LRRC9: variants seen among roughly 807,000 people sequenced by gnomAD.
LRRC9 encodes the protein leucine rich repeat containing 9, also known as leucine-rich repeat-containing protein 9.
In LRRC9, 122 loss-of-function variants were observed where a neutral mutation model predicts 63.2. That is an observed-to-expected ratio of 1.93 (90% CI 1.67 to 2.24). The LOEUF is 2.24. LRRC9 is among the 30% of genes most tolerant of loss of function. The pLI is 0.00. For synonymous variants in LRRC9, 366 were observed against 213.1 expected, an observed-to-expected ratio of 1.72 and a Z score of -6.25; for missense variants, 1,071 against 627.7, an observed-to-expected ratio of 1.71 and a Z score of -7.55.
chr14:59,937,660 G>C (rs1381544189), intron 6 of LRRC9, among the ~76,000 whole-genome samples: 1 of 152,062 alleles, frequency 6.6e-6, no homozygotes, highest in Non-Finnish European at 1.5e-5. Context: ...GGTTTAAACA[G>C]GAAGAGGCAA....
intron 30 of LRRC9, chr14:60,054,148 C>T (rs1429411105): frequency 8.5e-6 from 2 of 235,836 alleles, no homozygotes; most frequent in East Asian, 2.4e-4. Context: ...CTGAACTCAC[C>T]AGATTAATTC....
chr14:60,037,586 A>T (rs1014673347), intron 29 of LRRC9, among the ~76,000 whole-genome samples: 4 of 152,120 alleles, frequency 2.6e-5, no homozygotes, highest in African/African-American at 7.2e-5. Flanking sequence ...GTCTGTTCAT[A>T]TCCTTTGCCC....
At chr14:59,977,568 T>TGTG in intron 14 of LRRC9, among the ~76,000 whole-genome samples, 1 of 144,514 alleles carries the variant, frequency 6.9e-6, no homozygotes, top group African/African-American at 2.6e-5. Flanking sequence ...AATTATGTAT[T>TGTG]TGTGTGTGTG....
rs964274232 is a variant in LRRC9 at position 60,004,423 on chromosome 14, A to C, written c.2842+625A>C. Among the ~76,000 whole-genome samples, 1 of 152,122 alleles carries C rather than the reference A, an allele frequency of 6.6e-6. No homozygotes were observed. The highest frequency in any genetic ancestry group is 1.5e-5 in the Non-Finnish European group (1 of 67,980). ...ATACTATATGTAACATTTTCCATGG[A>C]TCCACATACAAGTCCAATTAAGCAG... On this transcript the variant is annotated intron_variant, in intron 21 of 31. Transcript: ENST00000445360. This position sits in a 1 kb window ranked among gnomAD's most constrained non-coding sequence, Gnocchi z 4.8.
In LRRC9 at chr14:60,027,857, G is replaced by C. The variant is rs1891680141; in HGVS notation, c.3704-27G>C. ...TACTTCAGGAAGTTTGGGCTCACTT[G>C]ATATATCATGACTTATCTCTTTTTA... On this transcript the variant is annotated intron_variant, in intron 27 of 31. Transcript: ENST00000445360. The surrounding 1 kb of genome is among the most constrained non-coding windows in gnomAD (Gnocchi z 4.0). 1.5e-6 allele frequency: 1 copy of C among 659,778 alleles called. No homozygotes were observed. The highest frequency in any genetic ancestry group is 2.7e-6 in the Non-Finnish European group (1 of 364,608). The allele number at this position is 659,778 out of a possible 1,614,324, so 40.9% of individuals were successfully genotyped here.
chr14:60,035,439 A>T (rs1892351909), intron 29 of LRRC9, among the ~76,000 whole-genome samples: 1 of 152,056 alleles, frequency 6.6e-6, no homozygotes, highest in African/African-American at 2.4e-5. Context: ...GTCTTGGAGG[A>T]TTTCACCAAT....
Position 60,058,375 on chromosome 14 carries a change from A to G in LRRC9, c.4276+353A>G, listed in dbSNP as rs1894432818. On this transcript the variant is annotated intron_variant, in intron 31 of 31. Coordinates refer to ENST00000445360, the Ensembl canonical transcript of LRRC9. This position sits in a 1 kb window ranked among gnomAD's most constrained non-coding sequence, Gnocchi z 4.4. ...AAACAACTACTAAAACCAGTTCATT[A>G]GTGCATCCTGCTAAAAGTGGAAATC... 6.6e-6 allele frequency among the ~76,000 whole-genome samples: 1 copy of G among 152,184 alleles called. No individual in the cohort carries two copies. The highest frequency in any genetic ancestry group is 2.4e-5 in the African/African-American group (1 of 41,456).
At position 60,051,418 on chromosome 14, in the gene LRRC9, G is replaced by A. The variant is rs947947313; in HGVS notation, c.3991-1647G>A. Among the ~76,000 whole-genome samples the A allele has an allele frequency of 6.6e-6, 1 of 152,178 alleles. No individual in the cohort carries two copies. Among genetic ancestry groups the A allele is most frequent in the African/African-American group, 2.4e-5 (1 of 41,436 alleles). On this transcript the variant is annotated intron_variant, in intron 29 of 31. Transcript: ENST00000445360. This position sits in a 1 kb window ranked among gnomAD's most constrained non-coding sequence, Gnocchi z 4.7. ...GGAACCCTCCTCGTCCAGACCACCT[G>A]GACTCTCTACAGATGGCAGGCTGGA...
intron 29 of LRRC9, among the ~76,000 whole-genome samples, chr14:60,050,349 G>A (rs1413864463): frequency 1.3e-5 from 2 of 151,992 alleles, no homozygotes; most frequent in African/African-American, 2.4e-5. Flanking sequence ...TCACTGCCTG[G>A]TCTATTCTGC....
exon 26 of LRRC9, chr14:60,019,200 T>C (rs1890927171): frequency 1.4e-6 from 1 of 700,286 alleles, no homozygotes; most frequent in Non-Finnish European, 2.6e-6. Flanking sequence ...AGTAGACAAC[T>C]ACTGTACCAG....
chr14:60,025,055 G>A (rs1434495966), intron 27 of LRRC9, among the ~76,000 whole-genome samples: 1 of 150,176 alleles, frequency 6.7e-6, no homozygotes, highest in African/African-American at 2.4e-5. Flanking sequence ...TTTTCGGTTG[G>A]TTTTTTGTTT....
Position 59,927,773 on chromosome 14 carries a change from T to C in LRRC9, c.-33-138T>C. On this transcript the variant is annotated intron_variant, in intron 1 of 31. Coordinates refer to ENST00000445360, the Ensembl canonical transcript of LRRC9. This position sits in a 1 kb window ranked among gnomAD's most constrained non-coding sequence, Gnocchi z 4.4. The stretch of plus-strand genomic sequence containing the variant: ...TAACAGAAAACTCCCTCAGAGTTTA[T>C]ACAGATACTTGGTAATATACTATGT... 2.5e-6 allele frequency: 1 copy of C among 402,954 alleles called. No homozygotes were observed. The highest frequency in any genetic ancestry group is 3.7e-5 in the East Asian group (1 of 27,078). The allele number at this position is 402,954 out of a possible 1,614,324, so 25.0% of individuals were successfully genotyped here. A position where few individuals can be genotyped will look rare whatever the true frequency, so the allele number is the denominator to read the frequency against.
rs1890117087 is a variant in LRRC9, at chr14:59,936,106, A to T, written c.544-2284A>T. Among the ~76,000 whole-genome samples, 1 of 152,170 alleles carries T rather than the reference A, an allele frequency of 6.6e-6. No individual in the cohort carries two copies. Among genetic ancestry groups the T allele is most frequent in the South Asian group, 2.1e-4 (1 of 4,836 alleles). Reference sequence around the variant, plus strand: ...AACAATGTAAAGTACCTAAATAGTGACCAGCACATAGTAAGGACTCAACAG... The same window carrying T: ...AACAATGTAAAGTACCTAAATAGTGTCCAGCACATAGTAAGGACTCAACAG... On this transcript the variant is annotated intron_variant, in intron 6 of 31. Transcript: ENST00000445360. This position sits in a 1 kb window ranked among gnomAD's most constrained non-coding sequence, Gnocchi z 4.2.
chr14:60,006,628 G>T lies in LRRC9; in HGVS notation c.3063+11G>T. 2 of 586,378 alleles carry T rather than the reference G, an allele frequency of 3.4e-6. No individual in the cohort carries two copies. Among genetic ancestry groups the T allele is most frequent in the Non-Finnish European group, 6.1e-6 (2 of 329,722 alleles). The allele number at this position is 586,378 out of a possible 1,614,324, so 36.3% of individuals were successfully genotyped here. On this transcript the variant is annotated intron_variant, in intron 22 of 31. Coordinates refer to ENST00000445360, the Ensembl canonical transcript of LRRC9. ...ATGCACAATTTAAAGGTAATCATCT[G>T]GGTAGTAATTTTTTTGTTTTTTAAC... is the stretch of plus-strand genomic sequence containing the variant.
chr14:60,038,397 A>G (rs1394977129), intron 29 of LRRC9, among the ~76,000 whole-genome samples: 1 of 152,178 alleles, frequency 6.6e-6, no homozygotes, highest in Non-Finnish European at 1.5e-5. Context: ...CCTATCCATG[A>G]GCATGGAATG....
At position 60,053,383 on chromosome 14, in the gene LRRC9, TCACACACACACA is replaced by T. The variant is rs140525122; in HGVS notation, c.4131+205_4131+216del. ...GATTTGGTGAATAGAGCATGCGTGC[TCACACACACACA>T]CACACACACACACACACACACACAC... On this transcript the variant is annotated intron_variant, in intron 30 of 31. Coordinates refer to ENST00000445360, the Ensembl canonical transcript of LRRC9. This position sits in a 1 kb window ranked among gnomAD's most constrained non-coding sequence, Gnocchi z 4.8. 2.3e-5 allele frequency among the ~76,000 whole-genome samples: 2 copies of T among 85,616 alleles called. No individual in the cohort carries two copies. Among genetic ancestry groups the T allele is most frequent in the African/African-American group, 6.3e-5 (2 of 31,952 alleles). The allele number at this position is 85,616 out of a possible 152,430, so 56.2% of individuals were successfully genotyped here.
Position 60,058,785 on chromosome 14 carries a change from T to A in LRRC9, c.4276+763T>A, listed in dbSNP as rs1379009812. On this transcript the variant is annotated intron_variant, in intron 31 of 31. Transcript: ENST00000445360. The surrounding 1 kb of genome is among the most constrained non-coding windows in gnomAD (Gnocchi z 4.4). ...ATAATTATAAAATGATCTAAGAGCC[T>A]CCTATAAAAAAAAGTAGACTGTTCC... 6.7e-6 allele frequency among the ~76,000 whole-genome samples: 1 copy of A among 149,656 alleles called. No homozygotes were observed. The highest frequency in any genetic ancestry group is 1.5e-5 in the Non-Finnish European group (1 of 66,384).
At position 59,966,581 on chromosome 14, in the gene LRRC9, C is replaced by A; in HGVS notation, c.1212-8C>A. 1 of 644,714 alleles carries A rather than the reference C, an allele frequency of 1.6e-6. No individual in the cohort carries two copies. The allele number at this position is 644,714 out of a possible 1,614,324, so 39.9% of individuals were successfully genotyped here. ...CTTCATGTATATTCTGTATGTATTC[C>A]CACATAGGTTTAATTTCTGCTATGA... On this transcript the variant is annotated splice_region_variant and splice_polypyrimidine_tract_variant and intron_variant, in intron 10 of 31. Coordinates refer to ENST00000445360, the Ensembl canonical transcript of LRRC9. The surrounding 1 kb of genome is among the most constrained non-coding windows in gnomAD (Gnocchi z 4.0).
At position 60,042,555 on chromosome 14, in the gene LRRC9, C is replaced by T. The variant is rs925257613; in HGVS notation, c.3990+10492C>T. 5.3e-5 allele frequency among the ~76,000 whole-genome samples: 8 copies of T among 152,302 alleles called. No homozygotes were observed. Among genetic ancestry groups the T allele is most frequent in the South Asian group, 2.1e-4 (1 of 4,830 alleles). ...GGCATGGGATCCTCCAAGCCATGCG[C>T]GGGATATAATCTCCTGTTGTGCCGT... On this transcript the variant is annotated intron_variant, in intron 29 of 31. Coordinates refer to ENST00000445360, the Ensembl canonical transcript of LRRC9. This position sits in a 1 kb window ranked among gnomAD's most constrained non-coding sequence, Gnocchi z 4.2.
Sources: allele counts gnomAD v4.1 joint callset (sites outside exome capture counted in the v4.1 genomes callset), GRCh38; gene constraint gnomAD v4.1.1; non-coding constraint Gnocchi (gnomAD v3.1); transcripts MANE v1.5; gene names NCBI Gene and HGNC (gene_info 2026-07-23, HGNC 2026-07-21).